Variants in DDAH2 observed in about 807,000 individuals in gnomAD.
DDAH2 encodes the protein DDAH family member 2, ADMA-independent.
Under a neutral mutation model 24.8 loss-of-function variants are expected in DDAH2, and 8 were observed. The ratio of observed to expected loss-of-function variants is 0.32; its 90% CI spans 0.19 to 0.58. The LOEUF is 0.58. Among genes scored for constraint, DDAH2 ranks in the 20% least tolerant of loss-of-function variants. The probability of loss-of-function intolerance (pLI) is 0.87; values close to 1 mark genes in which losing one functional copy is unlikely to be tolerated. For synonymous variants in DDAH2, 151 were observed against 166.1 expected (o/e 0.91, Z 0.70); for missense variants, 281 against 379.0 (o/e 0.74, Z 2.15).
chr6:31,729,454 C>T (rs567231212), upstream of DDAH2: 16 of 442,638 alleles, frequency 3.6e-5, no homozygotes, highest in African/African-American at 2.6e-4. The surrounding 1 kb of genome is among the most constrained non-coding windows in gnomAD (Gnocchi z 6.7). Flanking sequence ...TCTCTAATCT[C>T]CAAAACACCT....
At position 31,727,289 on chromosome 6, in the gene DDAH2, C is replaced by T; in HGVS notation, c.806G>A (p.Gly269Asp). 1.2e-6 allele frequency: 2 copies of T among 1,613,114 alleles called. No individual in the cohort carries two copies. The highest frequency in any genetic ancestry group is 1.7e-6 in the Non-Finnish European group (2 of 1,180,032). Reference sequence around the variant, plus strand: ...CAAGCAGAGGGAGCTGAGCCCGGCGCCAGCCTTCTCCAGTTCTGAGCAGGA... The same window carrying T: ...CAAGCAGAGGGAGCTGAGCCCGGCGTCAGCCTTCTCCAGTTCTGAGCAGGA... ...PVSCSELEKA[G>D]AGLSSLCLVL... The change falls in exon 6 of 6, where the codon GGC becomes GAC. Residue 269 changes from glycine to aspartate, a missense_variant. Transcript: ENST00000375789. This position sits in a 1 kb window ranked among gnomAD's most constrained non-coding sequence, Gnocchi z 6.0.
chr6:31,728,496 T>C lies in DDAH2; in HGVS notation c.426A>G (p.Lys142=), dbSNP rs765818030. Residue 142 remains lysine (K), a synonymous_variant, in exon 3 of 6, where the codon AAA becomes AAG. Transcript: ENST00000375789. This position sits in a 1 kb window ranked among gnomAD's most constrained non-coding sequence, Gnocchi z 9.8. Reference sequence around the variant, plus strand: ...TCTCAGCTCCTCGGTGATTGGTCCATTTGGAGAGGCCTACGAAAAACTCCC... The same window carrying C: ...TCTCAGCTCCTCGGTGATTGGTCCACTTGGAGAGGCCTACGAAAAACTCCC... ...TGREFFVGLS[K]WTNHRGAEIV... is the part of the protein sequence containing the mutation. The C allele has an allele frequency of 6.2e-7, 1 of 1,612,324 alleles. No individual in the cohort carries two copies. Among genetic ancestry groups the C allele is most frequent in the African/African-American group, 1.3e-5 (1 of 74,842 alleles).
In DDAH2 at chr6:31,727,802, C is replaced by A; in HGVS notation, c.592-110G>T. 8.2e-7 allele frequency: 1 copy of A among 1,225,662 alleles called. No individual in the cohort carries two copies. Among genetic ancestry groups the A allele is most frequent in the Non-Finnish European group, 1.1e-6 (1 of 877,322 alleles). The allele number at this position is 1,225,662 out of a possible 1,614,324, so 75.9% of individuals were successfully genotyped here. A position where few individuals can be genotyped will look rare whatever the true frequency, so the allele number is the denominator to read the frequency against. On this transcript the variant is annotated intron_variant, in intron 4 of 5. Coordinates refer to ENST00000375789, the MANE Select transcript of DDAH2 (RefSeq NM_001303007.2). The surrounding 1 kb of genome is among the most constrained non-coding windows in gnomAD (Gnocchi z 6.0). ...GACTGACATTTGTGGAAAATAATGA[C>A]AGCAAGCACATAGAGCTTACGATAT... is the stretch of plus-strand genomic sequence containing the variant.
upstream of DDAH2, chr6:31,729,436 G>A: frequency 2.0e-6 from 1 of 503,050 alleles, no homozygotes; most frequent in Non-Finnish European, 3.5e-6. This position sits in a 1 kb window ranked among gnomAD's most constrained non-coding sequence, Gnocchi z 6.7. Flanking sequence ...TGAGGAACAA[G>A]GCTAGGGTCT....
Position 31,728,524 on chromosome 6 carries a change from C to G in DDAH2, c.398G>C (p.Gly133Ala). ...TLDGTDVLFT[G>A]REFFVGLSKW... Reference sequence around the variant, plus strand: ...GGAGAGGCCTACGAAAAACTCCCGGCCTGAGTCCGGGAGGCCGCGGAGGTT... The same window carrying G: ...GGAGAGGCCTACGAAAAACTCCCGGGCTGAGTCCGGGAGGCCGCGGAGGTT... The change falls in exon 3 of 6, where the codon GGC becomes GCC. Residue 133 changes from glycine (G) to alanine (A), a missense_variant and splice_region_variant. Physicochemically the swap from Gly to Ala is moderately conservative, Grantham distance 60 (BLOSUM62 0). Coordinates refer to ENST00000375789, the MANE Select transcript of DDAH2 (RefSeq NM_001303007.2). The surrounding 1 kb of genome is among the most constrained non-coding windows in gnomAD (Gnocchi z 9.8). 1 of 1,612,808 alleles carries G rather than the reference C, an allele frequency of 6.2e-7. No homozygotes were observed. Among genetic ancestry groups the G allele is most frequent in the Non-Finnish European group, 8.5e-7 (1 of 1,179,898 alleles).
chr6:31,730,060 C>A (rs577124244), upstream of DDAH2: 529 of 152,752 alleles, frequency 3.5e-3, 6 homozygotes, highest in Non-Finnish European at 2.9e-3. This position sits in a 1 kb window ranked among gnomAD's most constrained non-coding sequence, Gnocchi z 5.1. Flanking sequence ...CCTCCAGCGG[C>A]CACCCCCACT....
chr6:31,728,434 C>G lies in DDAH2; in HGVS notation c.471+17G>C, dbSNP rs1195152353. On this transcript the variant is annotated intron_variant, in intron 3 of 5. Coordinates refer to ENST00000375789, the MANE Select transcript of DDAH2 (RefSeq NM_001303007.2). The surrounding 1 kb of genome is among the most constrained non-coding windows in gnomAD (Gnocchi z 9.8). Reference sequence around the variant, plus strand: ...CACCTGCACCCCCTCCCTCCCTAGGCTGGTCCCGCTCCGCACCCGGAACGT... The same window carrying G: ...CACCTGCACCCCCTCCCTCCCTAGGGTGGTCCCGCTCCGCACCCGGAACGT... The G allele has an allele frequency of 5.0e-6, 8 of 1,612,466 alleles. No individual in the cohort carries two copies. The highest frequency in any genetic ancestry group is 5.9e-6 in the Non-Finnish European group (7 of 1,179,918).
Position 31,729,086 on chromosome 6 carries a change from C to T in DDAH2, c.76G>A (p.Gly26Arg), listed in dbSNP as rs772494896. Residue 26 changes from glycine (G) to arginine (R), a missense_variant, in exon 1 of 6, where the codon GGG becomes AGG. Physicochemically the swap from Gly to Arg is moderately radical, Grantham distance 125. Transcript: ENST00000375789. This position sits in a 1 kb window ranked among gnomAD's most constrained non-coding sequence, Gnocchi z 6.7. ...GGAAGGCCAGCCCCCGCACCTTCCCCCGACGCCAGGCTCTCTGGGACTCCC... is the reference window on the plus strand; with the variant it reads ...GGAAGGCCAGCCCCCGCACCTTCCCTCGACGCCAGGCTCTCTGGGACTCCC... ...IRGVPESLAS[G>R]EGAGAGLPAL... 6.2e-7 allele frequency: 1 copy of T among 1,613,056 alleles called. No homozygotes were observed. The highest frequency in any genetic ancestry group is 1.7e-5 in the Admixed American group (1 of 60,024).
At position 31,728,574 on chromosome 6, in the gene DDAH2, A is replaced by G; in HGVS notation, c.398-50T>C. The G allele has an allele frequency of 6.2e-7, 1 of 1,611,710 alleles. No individual in the cohort carries two copies. The highest frequency in any genetic ancestry group is 8.5e-7 in the Non-Finnish European group (1 of 1,179,086). ...TTGAGGGCGGGAGTGAGTTAGAAAC[A>G]AGGCTCCAGACGGCCGAGTCTCCCA... On this transcript the variant is annotated intron_variant, in intron 2 of 5. Coordinates refer to ENST00000375789, the MANE Select transcript of DDAH2 (RefSeq NM_001303007.2). This position sits in a 1 kb window ranked among gnomAD's most constrained non-coding sequence, Gnocchi z 9.8.
Position 31,729,075 on chromosome 6 carries a change from C to G in DDAH2, c.87G>C (p.Ala29=). Residue 29 remains alanine, a synonymous_variant, in exon 1 of 6, where the codon GCG becomes GCC. Transcript: ENST00000375789. The surrounding 1 kb of genome is among the most constrained non-coding windows in gnomAD (Gnocchi z 6.7). ...GATCCAGAGCGGGAAGGCCAGCCCCCGCACCTTCCCCCGACGCCAGGCTCT... is the reference window on the plus strand; with the variant it reads ...GATCCAGAGCGGGAAGGCCAGCCCCGGCACCTTCCCCCGACGCCAGGCTCT... ...VPESLASGEG[A]GAGLPALDLA... The G allele has an allele frequency of 1.9e-6, 3 of 1,613,076 alleles. No individual in the cohort carries two copies. The highest frequency in any genetic ancestry group is 2.5e-6 in the Non-Finnish European group (3 of 1,180,020).
chr6:31,728,459 T>C lies in DDAH2; in HGVS notation c.463A>G (p.Thr155Ala). 6.2e-7 allele frequency: 1 copy of C among 1,611,574 alleles called. No individual in the cohort carries two copies. Among genetic ancestry groups the C allele is most frequent in the Non-Finnish European group, 8.5e-7 (1 of 1,179,404 alleles). ...NHRGAEIVADTFRDFAVSTVP... is the reference protein window; with the variant it reads ...NHRGAEIVADAFRDFAVSTVP... ...CTGGTCCCGCTCCGCACCCGGAACG[T>C]GTCCGCCACGATCTCAGCTCCTCGG... The change falls in exon 3 of 6, where the codon ACG becomes GCG. Residue 155 changes from threonine to alanine, a missense_variant. By Grantham distance (58) the Thr-to-Ala change is moderately conservative. Coordinates refer to ENST00000375789, the MANE Select transcript of DDAH2 (RefSeq NM_001303007.2). This position sits in a 1 kb window ranked among gnomAD's most constrained non-coding sequence, Gnocchi z 9.8.
Position 31,727,627 on chromosome 6 carries a change from G to A in DDAH2, c.657C>T (p.Asp219=), listed in dbSNP as rs748406821. The A allele has an allele frequency of 1.2e-5, 20 of 1,613,014 alleles. No individual in the cohort carries two copies. In the South Asian group the frequency reaches 2.1e-4, roughly 17 times the overall value. The change falls in exon 5 of 6, where the codon GAC becomes GAT. Residue 219 remains aspartate (D), a synonymous_variant. Coordinates refer to ENST00000375789, the MANE Select transcript of DDAH2 (RefSeq NM_001303007.2). The surrounding 1 kb of genome is among the most constrained non-coding windows in gnomAD (Gnocchi z 6.0). ...GCAACCCAGGACGAAGAAAGAGACA[G>A]TCAGCAGCTGCGTCATCTGGGAGGG... ...SLTLPDDAAA[D]CLFLRPGLPG...
Position 31,727,463 on chromosome 6 carries a change from CCCTT to C in DDAH2, c.741+76_741+79del. On this transcript the variant is annotated intron_variant, in intron 5 of 5. Transcript: ENST00000375789. This position sits in a 1 kb window ranked among gnomAD's most constrained non-coding sequence, Gnocchi z 6.0. ...CCCACCCAGGCTTCTAGAGAAGGTA[CCCTT>C]CCTTCCTCCCACTAGGAAAGCCTGA... 6.2e-7 allele frequency: 1 copy of C among 1,607,524 alleles called. No homozygotes were observed. The highest frequency in any genetic ancestry group is 8.5e-7 in the Non-Finnish European group (1 of 1,175,858).
rs1807651106 is a variant in DDAH2, at chr6:31,729,148, C to T, written c.14G>A (p.Gly5Glu). The change falls in exon 1 of 6, where the codon GGG becomes GAG. Residue 5 changes from glycine to glutamate, a missense_variant. Coordinates refer to ENST00000375789, the MANE Select transcript of DDAH2 (RefSeq NM_001303007.2). The surrounding 1 kb of genome is among the most constrained non-coding windows in gnomAD (Gnocchi z 6.7). ...ATGGGAGCAGCGGCCCAGCCCCTCC[C>T]CCGGCGTCCCCATCCCATCCACACA... MGTP[G>E]EGLGRCSHAL... The T allele has an allele frequency of 6.2e-7, 1 of 1,607,720 alleles. No individual in the cohort carries two copies. Among genetic ancestry groups the T allele is most frequent in the East Asian group, 2.2e-5 (1 of 44,752 alleles).
chr6:31,727,267 G>A lies in DDAH2; in HGVS notation c.828C>T (p.Cys276=), dbSNP rs1807449345. 1.2e-6 allele frequency: 2 copies of A among 1,613,096 alleles called. No homozygotes were observed. Among genetic ancestry groups the A allele is most frequent in the South Asian group, 2.2e-5 (2 of 91,086 alleles). Residue 276 remains cysteine (C), a synonymous_variant, in exon 6 of 6, where the codon TGC becomes TGT. Transcript: ENST00000375789. The surrounding 1 kb of genome is among the most constrained non-coding windows in gnomAD (Gnocchi z 6.0). ...TGTGGGGGCGTGTGCTGAGCACCAA[G>A]CAGAGGGAGCTGAGCCCGGCGCCAG... ...EKAGAGLSSL[C]LVLSTRPHS
Position 31,728,953 on chromosome 6 carries a change from G to T in DDAH2, c.209C>A (p.Pro70Gln). 2 of 1,613,078 alleles carry T rather than the reference G, an allele frequency of 1.2e-6. No individual in the cohort carries two copies. The highest frequency in any genetic ancestry group is 8.5e-7 in the Non-Finnish European group (1 of 1,180,012). ...LLELPPEESL[P>Q]LGPLLGDTAV... ...CGTGTCGCCAAGCAGCGGTCCCAGC[G>T]GCAATGACTCCTCAGGTGGCAGTTC... The change falls in exon 1 of 6, where the codon CCG becomes CAG. Residue 70 changes from proline (P) to glutamine (Q), a missense_variant. Transcript: ENST00000375789. This position sits in a 1 kb window ranked among gnomAD's most constrained non-coding sequence, Gnocchi z 9.8.
Position 31,729,072 on chromosome 6 carries a change from C to T in DDAH2, c.90G>A (p.Gly30=). 6.2e-7 allele frequency: 1 copy of T among 1,613,052 alleles called. No homozygotes were observed. The highest frequency in any genetic ancestry group is 8.5e-7 in the Non-Finnish European group (1 of 1,180,004). The change falls in exon 1 of 6, where the codon GGG becomes GGA. Residue 30 remains glycine, a synonymous_variant. Transcript: ENST00000375789. The surrounding 1 kb of genome is among the most constrained non-coding windows in gnomAD (Gnocchi z 6.7). ...CCAGATCCAGAGCGGGAAGGCCAGC[C>T]CCCGCACCTTCCCCCGACGCCAGGC... ...PESLASGEGA[G]AGLPALDLAK...
rs1394257673 is a variant in DDAH2 at position 31,728,482 on chromosome 6, C to T, written c.440G>A (p.Arg147Gln). The T allele has an allele frequency of 1.2e-6, 2 of 1,612,786 alleles. No homozygotes were observed. The highest frequency in any genetic ancestry group is 1.1e-5 in the South Asian group (1 of 91,058). The change falls in exon 3 of 6, where the codon CGA (arginine) becomes CAA (glutamine). Residue 147 changes from arginine to glutamine, a missense_variant. Coordinates refer to ENST00000375789, the MANE Select transcript of DDAH2 (RefSeq NM_001303007.2). The surrounding 1 kb of genome is among the most constrained non-coding windows in gnomAD (Gnocchi z 9.8). Reference protein sequence around the residue: ...FVGLSKWTNHRGAEIVADTFR... With the variant: ...FVGLSKWTNHQGAEIVADTFR... The stretch of plus-strand genomic sequence containing the variant: ...CGTGTCCGCCACGATCTCAGCTCCT[C>T]GGTGATTGGTCCATTTGGAGAGGCC...
Position 31,728,661 on chromosome 6 carries a change from C to T in DDAH2, c.382G>A (p.Asp128Asn), listed in dbSNP as rs1807589768. The T allele has an allele frequency of 1.2e-6, 2 of 1,612,886 alleles. No homozygotes were observed. The highest frequency in any genetic ancestry group is 2.2e-5 in the South Asian group (2 of 91,078). ...CCAGCCTCACCGGTGAAGAGAACGT[C>T]AGTGCCATCCAGCGTCGCGTTCTCG... ...GDENATLDGT[D>N]VLFTGREFFV... Residue 128 changes from aspartate to asparagine, a missense_variant, in exon 2 of 6, where the codon GAC (aspartate) becomes AAC (asparagine). Asp to Asn is a conservative substitution (Grantham distance 23). Transcript: ENST00000375789. The surrounding 1 kb of genome is among the most constrained non-coding windows in gnomAD (Gnocchi z 9.8).
Sources: gnomAD v4.1 joint callset for allele counts on GRCh38, gnomAD v4.1.1 for gene constraint, Gnocchi (gnomAD v3.1) non-coding constraint, MANE v1.5 for transcripts, NCBI Gene and HGNC (gene_info 2026-07-23, HGNC 2026-07-21) for gene names.